Variants in B3GALT1 observed in about 807,000 individuals in gnomAD.
B3GALT1 encodes UDP-Gal:betaGlcNAc beta 1,3-galactosyltransferase, polypeptide 1.
B3GALT1 carries 10 observed loss-of-function variants against 23.2 expected under a neutral mutation model. That is an observed-to-expected ratio of 0.43 (90% confidence interval 0.27 to 0.73). The LOEUF is 0.73. B3GALT1 is among the 30% of genes least tolerant of loss of function. B3GALT1 has a pLI of 0.21. For synonymous variants in B3GALT1, 156 were observed against 141.5 expected, an observed-to-expected ratio of 1.10 and a Z score of -0.73; for missense variants, 299 against 405.4, an observed-to-expected ratio of 0.74 and a Z score of 2.25.
chr2:167,355,329 A>T (rs1697383021), intron 1 of B3GALT1, among the ~76,000 whole-genome samples: 1 of 152,246 alleles, frequency 6.6e-6, no homozygotes, highest in South Asian at 2.1e-4. Context: ...TTACTGCAGA[A>T]ACAGAATTGA....
intron 1 of B3GALT1, among the ~76,000 whole-genome samples, chr2:167,422,631 G>T (rs1034771217): frequency 1.3e-5 from 2 of 152,124 alleles, no homozygotes; most frequent in Non-Finnish European, 2.9e-5. Context: ...CTGGAGATTG[G>T]GAGGGAGAGT....
At chr2:167,393,992 T>C (rs1480434152) in intron 1 of B3GALT1, among the ~76,000 whole-genome samples, 1 of 152,196 alleles carries the variant, frequency 6.6e-6, no homozygotes. Flanking sequence ...TGAGGATGGC[T>C]CACATTGCAG....
intron 3 of B3GALT1, among the ~76,000 whole-genome samples, chr2:167,731,438 C>A (rs754002270): frequency 2.0e-5 from 3 of 152,192 alleles, no homozygotes; most frequent in African/African-American, 7.2e-5. Context: ...GCGCCCAAAG[C>A]TAACCAGGCA....
At chr2:167,732,422 C>A (rs1358012699) in intron 3 of B3GALT1, among the ~76,000 whole-genome samples, 1 of 152,212 alleles carries the variant, frequency 6.6e-6, no homozygotes, top group East Asian at 1.9e-4. Flanking sequence ...CATTTTTAAA[C>A]CTTCAGCAGA....
chr2:167,718,258 A>C (rs1687181963), intron 3 of B3GALT1, among the ~76,000 whole-genome samples: 1 of 151,280 alleles, frequency 6.6e-6, no homozygotes, highest in Non-Finnish European at 1.5e-5. Context: ...GTTATTAAAC[A>C]GGATTTATCC....
At chr2:167,757,445 T>A (rs1228611802) in intron 3 of B3GALT1, among the ~76,000 whole-genome samples, 2 of 152,170 alleles carry the variant, frequency 1.3e-5, no homozygotes, top group African/African-American at 4.8e-5. Context: ...AACTTCTAGA[T>A]GGGTACACAC....
chr2:167,457,502 G>T (rs190842723), intron 1 of B3GALT1, among the ~76,000 whole-genome samples: 1 of 151,788 alleles, frequency 6.6e-6, no homozygotes, highest in Non-Finnish European at 1.5e-5. Context: ...AATGGCCATT[G>T]TACTCCTTGT....
intron 1 of B3GALT1, among the ~76,000 whole-genome samples, chr2:167,408,042 A>G (rs1698329901): frequency 6.7e-6 from 1 of 150,238 alleles, no homozygotes. Flanking sequence ...ACACACACAC[A>G]CACACACACA....
chr2:167,642,017 C>T (rs1169618314), intron 2 of B3GALT1, among the ~76,000 whole-genome samples: 1 of 152,188 alleles, frequency 6.6e-6, no homozygotes, highest in African/African-American at 2.4e-5. Context: ...AGGTTCTGTT[C>T]TCCATGAAAT....
chr2:167,625,762 T>TC (rs1189695432), intron 2 of B3GALT1, among the ~76,000 whole-genome samples: 1 of 151,086 alleles, frequency 6.6e-6, no homozygotes, highest in African/African-American at 2.4e-5. Flanking sequence ...TTTGTTTCTG[T>TC]CCCCCCCTTT....
rs531960797 is a variant in B3GALT1 at position 167,477,020 on chromosome 2, A to G, written c.-510-13157A>G. Among the ~76,000 whole-genome samples, 5 of 152,334 alleles carry G rather than the reference A, an allele frequency of 3.3e-5. No homozygotes were observed. The South Asian group carries it at 1.0e-3, about 32-fold the overall frequency. Reference sequence around the variant, plus strand: ...AGTGTTTGATCATATCCATGTTTTCATCAATTATTCAAGCTTTAGGAGTCA... The same window carrying G: ...AGTGTTTGATCATATCCATGTTTTCGTCAATTATTCAAGCTTTAGGAGTCA... On this transcript the variant is annotated intron_variant, in intron 1 of 4. Coordinates refer to ENST00000392690, the MANE Select transcript of B3GALT1 (RefSeq NM_020981.4).
At chr2:167,819,579 A>G (rs535834863) in intron 4 of B3GALT1, among the ~76,000 whole-genome samples, 10 of 152,316 alleles carry the variant, frequency 6.6e-5, no homozygotes, top group East Asian at 1.9e-4. Flanking sequence ...CTTTCCCATC[A>G]TAGCCTCTGT....
At chr2:167,793,760 G>C (rs1688489259) in intron 3 of B3GALT1, among the ~76,000 whole-genome samples, 1 of 152,166 alleles carries the variant, frequency 6.6e-6, no homozygotes, top group Non-Finnish European at 1.5e-5. Context: ...TTGCGTGGAT[G>C]GCATCTAGTC....
chr2:167,612,012 A>G (rs1685075829), intron 2 of B3GALT1, among the ~76,000 whole-genome samples: 1 of 152,066 alleles, frequency 6.6e-6, no homozygotes, highest in South Asian at 2.1e-4. Context: ...TTTAGTTCCT[A>G]ACGTTACTGG....
At chr2:167,492,891 G>GTGTA (rs1699730795) in intron 2 of B3GALT1, among the ~76,000 whole-genome samples, 1 of 151,894 alleles carries the variant, frequency 6.6e-6, no homozygotes, top group South Asian at 2.1e-4. Flanking sequence ...GTGTGTGTGT[G>GTGTA]TGTGTGTGTG....
intron 4 of B3GALT1, among the ~76,000 whole-genome samples, chr2:167,828,640 C>T (rs1689278867): frequency 6.6e-6 from 1 of 152,160 alleles, no homozygotes; most frequent in Non-Finnish European, 1.5e-5. Flanking sequence ...CCTGAATGTG[C>T]TCTCTTTTTA....
intron 2 of B3GALT1, among the ~76,000 whole-genome samples, chr2:167,632,782 C>T (rs1685473766): frequency 6.6e-6 from 1 of 151,962 alleles, no homozygotes; most frequent in African/African-American, 2.4e-5. Flanking sequence ...TTTTGCTGTG[C>T]AGAAGCTCTC....
At chr2:167,466,153 A>G (rs1249772279) in intron 1 of B3GALT1, among the ~76,000 whole-genome samples, 1 of 152,154 alleles carries the variant, frequency 6.6e-6, no homozygotes, top group Non-Finnish European at 1.5e-5. Context: ...AATGTTAATA[A>G]TGGCCTAGCT....
rs757431863 is a variant in B3GALT1 at position 167,869,348 on chromosome 2, T to C, written c.309T>C (p.Asp103=). ...AGGCAATCAGAGAGACGTGGGGGGA[T>C]GAGAACAACTTTAAGGGGATCAAGA... ...ARQAIRETWG[D]ENNFKGIKIA... Residue 103 remains aspartate (D), a synonymous_variant, in exon 5 of 5, where the codon GAT becomes GAC. Transcript: ENST00000392690. The surrounding 1 kb of genome is among the most constrained non-coding windows in gnomAD (Gnocchi z 6.4). The C allele has an allele frequency of 1.9e-6, 3 of 1,614,080 alleles. No individual in the cohort carries two copies. In the South Asian group the frequency reaches 3.3e-5, roughly 18 times the overall value.
Sources: allele counts gnomAD v4.1 joint callset (sites outside exome capture counted in the v4.1 genomes callset), GRCh38; gene constraint gnomAD v4.1.1; non-coding constraint Gnocchi (gnomAD v3.1); transcripts MANE v1.5; gene names NCBI Gene and HGNC (gene_info 2026-07-23, HGNC 2026-07-21).